The following OPCML variants were observed in gnomAD, a reference collection of about 807,000 sequenced individuals.
OPCML encodes the protein opioid-binding protein/cell adhesion molecule.
In OPCML, 13 loss-of-function variants were observed where a neutral mutation model predicts 37.8. The ratio of observed to expected loss-of-function variants is 0.34; its 90% CI spans 0.22 to 0.55. The LOEUF (loss-of-function observed/expected upper bound fraction) is 0.55. Among genes scored for constraint, OPCML ranks in the 20% least tolerant of loss-of-function variants. The pLI is 0.91. For synonymous variants in OPCML, 176 were observed against 168.8 expected (o/e 1.04, Z -0.33); for missense variants, 341 against 435.6 (o/e 0.78, Z 1.93).
chr11:133,267,135 G>T (rs1306401362), intron 1 of OPCML, among the ~76,000 whole-genome samples: 1 of 152,162 alleles, frequency 6.6e-6, no homozygotes, highest in Non-Finnish European at 1.5e-5. Flanking sequence ...CAATGTGTTG[G>T]AAAGAGTGTA....
At chr11:132,765,491 T>G (rs573163972) in intron 2 of OPCML, among the ~76,000 whole-genome samples, 1 of 152,194 alleles carries the variant, frequency 6.6e-6, no homozygotes, top group South Asian at 2.1e-4. Flanking sequence ...CGGCTTCCTG[T>G]TATTTCCATC....
At chr11:132,830,217 G>A (rs887841936) in intron 2 of OPCML, among the ~76,000 whole-genome samples, 1 of 152,100 alleles carries the variant, frequency 6.6e-6, no homozygotes, top group East Asian at 1.9e-4. Context: ...TAAGGTTACT[G>A]CACATCTGGT....
At chr11:132,925,539 G>T (rs974444993) in intron 2 of OPCML, among the ~76,000 whole-genome samples, 2 of 152,168 alleles carry the variant, frequency 1.3e-5, no homozygotes, top group Non-Finnish European at 2.9e-5. Flanking sequence ...TAAAACCCAC[G>T]AAAGTATGGG....
At chr11:132,440,000 A>G (rs1592176615) in intron 4 of OPCML, among the ~76,000 whole-genome samples, 1 of 152,274 alleles carries the variant, frequency 6.6e-6, no homozygotes, top group South Asian at 2.1e-4. Context: ...CAGTAGACTT[A>G]GAAATGTTGA....
At chr11:133,070,800 A>G (rs1948520570) in intron 1 of OPCML, among the ~76,000 whole-genome samples, 1 of 152,182 alleles carries the variant, frequency 6.6e-6, no homozygotes, top group Admixed American at 6.5e-5. Flanking sequence ...GATAAAGACA[A>G]AGGAGCAGGG....
At chr11:132,914,988 C>T (rs902490804) in intron 2 of OPCML, among the ~76,000 whole-genome samples, 2 of 152,192 alleles carry the variant, frequency 1.3e-5, no homozygotes, top group South Asian at 4.1e-4. Flanking sequence ...GACAACCTTG[C>T]GGCCTGTGCA....
At chr11:133,239,309 G>A (rs1940637855) in intron 1 of OPCML, among the ~76,000 whole-genome samples, 2 of 152,204 alleles carry the variant, frequency 1.3e-5, no homozygotes, top group African/African-American at 4.8e-5. Flanking sequence ...AACAACCTTG[G>A]AAATGAACAG....
At chr11:133,357,623 G>A (rs966227755) in intron 1 of OPCML, among the ~76,000 whole-genome samples, 1 of 152,022 alleles carries the variant, frequency 6.6e-6, no homozygotes, top group East Asian at 1.9e-4. Flanking sequence ...TCCAGTGAGG[G>A]CCCATAATTC....
At chr11:132,952,551 C>G (rs1403096822) in intron 1 of OPCML, among the ~76,000 whole-genome samples, 1 of 152,138 alleles carries the variant, frequency 6.6e-6, no homozygotes, top group Non-Finnish European at 1.5e-5. Context: ...GAATTCAGGA[C>G]CCTTAAATCC....
intron 1 of OPCML, among the ~76,000 whole-genome samples, chr11:133,377,165 G>A (rs146408474): frequency 3.3e-4 from 50 of 152,260 alleles, no homozygotes; most frequent in African/African-American, 1.1e-3. Context: ...TGCTGCCTGA[G>A]GGCACAGGGG....
intron 2 of OPCML, among the ~76,000 whole-genome samples, chr11:132,684,008 CT>C (rs1184181241): frequency 3.3e-5 from 5 of 152,040 alleles, no homozygotes; most frequent in Admixed American, 1.3e-4. Context: ...TGTATTGACC[CT>C]TTTAGTATTA....
At chr11:133,007,812 G>C (rs1393756319) in intron 1 of OPCML, 8 of 985,244 alleles carry the variant, frequency 8.1e-6, no homozygotes, top group Non-Finnish European at 3.6e-6. Context: ...CCTTGTGGCG[G>C]GATCACTCAG....
chr11:132,541,672 A>G (rs1327831653), intron 3 of OPCML, among the ~76,000 whole-genome samples: 1 of 152,202 alleles, frequency 6.6e-6, no homozygotes, highest in Non-Finnish European at 1.5e-5. Flanking sequence ...ATTAGGTACT[A>G]GAAGCAGAGA....
chr11:132,476,747 G>A (rs1447880842), intron 4 of OPCML, among the ~76,000 whole-genome samples: 10 of 151,604 alleles, frequency 6.6e-5, no homozygotes, highest in Admixed American at 4.6e-4. Context: ...GCTAAATGAC[G>A]AGTTAATGGG....
rs143287468 is a variant in OPCML at position 133,201,568 on chromosome 11, C to A, written c.62-258558G>T. ...GTGGCATGAGAGCAAGAGGCTGACACCAGGAAGATGCGTTGTTCAGAAGAT... is the reference window on the plus strand; with the variant it reads ...GTGGCATGAGAGCAAGAGGCTGACAACAGGAAGATGCGTTGTTCAGAAGAT... On this transcript the variant is annotated intron_variant, in intron 1 of 7. Transcript: ENST00000524381. Among the ~76,000 whole-genome samples, 755 of 152,132 alleles carry A rather than the reference C, an allele frequency of 5.0e-3. 1 individual carries two copies. The highest frequency in any genetic ancestry group is 8.3e-3 in the Non-Finnish European group (562 of 68,012).
intron 1 of OPCML, among the ~76,000 whole-genome samples, chr11:133,378,445 A>G (rs998608996): frequency 6.6e-6 from 1 of 152,156 alleles, no homozygotes. Flanking sequence ...CTCATAGCAT[A>G]CTGTGAATAT....
chr11:132,695,925 T>C (rs1012821094), intron 2 of OPCML, among the ~76,000 whole-genome samples: 1 of 151,998 alleles, frequency 6.6e-6, no homozygotes, highest in African/African-American at 2.4e-5. Context: ...GGCTTGGAAT[T>C]GAAGGCAGAG....
At chr11:132,517,955 GA>G (rs967166520) in intron 4 of OPCML, among the ~76,000 whole-genome samples, 3 of 152,074 alleles carry the variant, frequency 2.0e-5, no homozygotes, top group Non-Finnish European at 4.4e-5. Flanking sequence ...TCAGAAATGA[GA>G]TGTTCTTAGT....
At chr11:133,294,787 CT>C (rs5795836) in intron 1 of OPCML, among the ~76,000 whole-genome samples, 16 of 109,348 alleles carry the variant, frequency 1.5e-4, no homozygotes, top group Non-Finnish European at 2.1e-4. Context: ...CAGAAACTTT[CT>C]TTTTTTTTTT....
Sources: gnomAD v4.1 joint callset for allele counts (sites outside exome capture counted in the v4.1 genomes callset) on GRCh38, gnomAD v4.1.1 for gene constraint, MANE v1.5 for transcripts, NCBI Gene and HGNC (gene_info 2026-07-23, HGNC 2026-07-21) for gene names.